Variants in ATG16L1 observed in about 807,000 individuals in gnomAD.
The protein encoded by ATG16L1 is autophagy related 16 like 1, also known as autophagy-related protein 16-1.
Under a neutral mutation model 88.5 loss-of-function variants are expected in ATG16L1, and 37 were observed. The observed-to-expected ratio is 0.42, with a 90% CI of 0.32 to 0.55. ATG16L1 has a LOEUF of 0.55. Ranked by LOEUF, ATG16L1 falls within the 20% of genes least tolerant of loss-of-function variation. The pLI is 0.13. For synonymous variants in ATG16L1, 301 were observed against 281.0 expected, an observed-to-expected ratio of 1.07 and a Z score of -0.71; for missense variants, 554 against 752.8, an observed-to-expected ratio of 0.74 and a Z score of 3.09.
At chr2:233,288,064 G>A (rs1253052741) in intron 12 of ATG16L1, among the ~76,000 whole-genome samples, 1 of 152,038 alleles carries the variant, frequency 6.6e-6, no homozygotes, top group African/African-American at 2.4e-5. Flanking sequence ...TCACACAACC[G>A]CAGCACAGCC....
At position 233,293,258 on chromosome 2, in the gene ATG16L1, C is replaced by A; in HGVS notation, c.1631C>A (p.Pro544His). 6.2e-7 allele frequency: 1 copy of A among 1,613,996 alleles called. No homozygotes were observed. The highest frequency in any genetic ancestry group is 1.1e-5 in the South Asian group (1 of 91,076). The change falls in exon 17 of 18, where the codon CCT becomes CAT. Residue 544 changes from proline (P) to histidine (H), a missense_variant and splice_region_variant. Physicochemically the swap from Pro to His is moderately conservative, Grantham distance 77 (BLOSUM62 -2). This residue lies in a region of ATG16L1 where 370 missense variants were observed against 509.7 expected (regional missense o/e 0.73). Transcript: ENST00000392017. ...GSDWTRVVFS[P>H]DGSYVAAGSA... ...TCTTTTCTTACTGTCTTCTGTAGCC[C>A]TGATGGCAGTTACGTGGCGGCAGGC...
chr2:233,281,420 A>T (rs1170577396), intron 11 of ATG16L1, among the ~76,000 whole-genome samples: 2 of 152,120 alleles, frequency 1.3e-5, no homozygotes, highest in Non-Finnish European at 2.9e-5. Flanking sequence ...ATTTCACTTA[A>T]TAGTTGTATT....
At position 233,252,073 on chromosome 2, in the gene ATG16L1, G is replaced by T. The variant is rs561534853; in HGVS notation, c.115+131G>T. 2.3e-5 allele frequency: 15 copies of T among 648,954 alleles called. No homozygotes were observed. The East Asian group carries it at 4.1e-4, about 18-fold the overall frequency. 40.2% of individuals were successfully genotyped at this position (648,954 alleles called of 1,614,324 possible). ...ATGGCGGCCGCCCCGGGTAACCCGCGCTTGGGACGCCGCACGCCTTTTAAA... is the reference window on the plus strand; with the variant it reads ...ATGGCGGCCGCCCCGGGTAACCCGCTCTTGGGACGCCGCACGCCTTTTAAA... On this transcript the variant is annotated intron_variant, in intron 1 of 17. Coordinates refer to ENST00000392017, the MANE Select transcript of ATG16L1 (RefSeq NM_030803.7).
intron 6 of ATG16L1, among the ~76,000 whole-genome samples, chr2:233,272,347 G>A (rs1408804945): frequency 6.6e-6 from 1 of 152,222 alleles, no homozygotes; most frequent in Non-Finnish European, 1.5e-5. Context: ...TAATGTCAGA[G>A]ACACTATGTA....
chr2:233,256,331 G>A (rs1696773626), intron 2 of ATG16L1, 136 bp downstream of exon 2: 4 of 726,634 alleles, frequency 5.5e-6, no homozygotes, highest in African/African-American at 1.8e-5. Flanking sequence ...TTTCAAATAA[G>A]AACTAAAACC....
At chr2:233,266,139 C>G (rs114073118) in intron 5 of ATG16L1, 1 of 152,160 alleles carries the variant, frequency 6.6e-6, no homozygotes, top group East Asian at 1.9e-4. Flanking sequence ...AAGCTGTTAA[C>G]ACAAGTTCAG....
intron 6 of ATG16L1, among the ~76,000 whole-genome samples, chr2:233,271,661 G>A (rs2125243943): frequency 6.6e-6 from 1 of 152,332 alleles, no homozygotes; most frequent in Admixed American, 6.5e-5. Flanking sequence ...TGATAACTTA[G>A]CAAATGCTAG....
intron 12 of ATG16L1, 24 bp from the exon 13 acceptor site, chr2:233,289,830 C>T (rs1345062599): frequency 1.2e-6 from 2 of 1,609,918 alleles, no homozygotes; most frequent in Non-Finnish European, 8.5e-7. Context: ...CTGAGGCTCA[C>T]CCTGGCTGTG....
intron 2 of ATG16L1, among the ~76,000 whole-genome samples, chr2:233,260,398 T>G (rs1697123315): frequency 1.3e-5 from 2 of 152,206 alleles, no homozygotes; most frequent in African/African-American, 4.8e-5. Context: ...TCAGAAATGC[T>G]TTAGCTGATT....
At chr2:233,252,367 T>G (rs1279162510) in intron 1 of ATG16L1, among the ~76,000 whole-genome samples, 1 of 152,052 alleles carries the variant, frequency 6.6e-6, no homozygotes, top group Non-Finnish European at 1.5e-5. Flanking sequence ...TTACTCCACC[T>G]TGGTGGTTTT....
At chr2:233,281,238 G>A in intron 11 of ATG16L1, 63 bp downstream of exon 11, 1 of 1,263,746 alleles carries the variant, frequency 7.9e-7, no homozygotes, top group South Asian at 1.4e-5. Context: ...TTAGGTTCTT[G>A]AAATTATAAC....
At chr2:233,262,200 C>T (rs1040399813) in intron 2 of ATG16L1, among the ~76,000 whole-genome samples, 1 of 152,186 alleles carries the variant, frequency 6.6e-6, no homozygotes, top group African/African-American at 2.4e-5. Flanking sequence ...CCTGTTAGCG[C>T]TGTCTTTGGA....
Position 233,263,027 on chromosome 2 carries a change from T to C in ATG16L1, c.210-103T>C. 4 of 981,680 alleles carry C rather than the reference T, an allele frequency of 4.1e-6. No individual in the cohort carries two copies. In the South Asian group the frequency reaches 5.8e-5, roughly 14 times the overall value. The allele number at this position is 981,680 out of a possible 1,614,324, so 60.8% of individuals were successfully genotyped here. A position where few individuals can be genotyped will look rare whatever the true frequency, so the allele number is the denominator to read the frequency against. On this transcript the variant is annotated intron_variant, in intron 2 of 17. Transcript: ENST00000392017. ...GGTTTATTGGCTTTGTGAACATGTTTCTGGAGTTATGGTTTCATTGCCTAA... is the reference window on the plus strand; with the variant it reads ...GGTTTATTGGCTTTGTGAACATGTTCCTGGAGTTATGGTTTCATTGCCTAA...
chr2:233,275,139 A>C (rs1054139224), intron 9 of ATG16L1, among the ~76,000 whole-genome samples: 3 of 152,198 alleles, frequency 2.0e-5, no homozygotes, highest in African/African-American at 7.2e-5. Flanking sequence ...GTATTATGGA[A>C]GTTCAGTAGG....
chr2:233,259,179 A>G (rs1269490822), intron 2 of ATG16L1, among the ~76,000 whole-genome samples: 4 of 152,192 alleles, frequency 2.6e-5, no homozygotes, highest in African/African-American at 9.7e-5. Context: ...GTACTTAGGC[A>G]GTAGAAAGCA....
chr2:233,283,471 A>AAT (rs1553607768), intron 12 of ATG16L1, among the ~76,000 whole-genome samples: 5 of 151,092 alleles, frequency 3.3e-5, no homozygotes, highest in African/African-American at 1.2e-4. Flanking sequence ...AAAAAAAAAA[A>AAT]TTTTTTTTTA....
chr2:233,274,613 C>A, intron 8 of ATG16L1, 63 bp from the exon 9 acceptor site: 1 of 1,325,294 alleles, frequency 7.5e-7, no homozygotes, highest in Non-Finnish European at 1.1e-6. Context: ...TCCTTTCTAA[C>A]AATTTGATGA....
At chr2:233,270,154 T>A in intron 6 of ATG16L1, 87 bp downstream of exon 6, 1 of 1,331,882 alleles carries the variant, frequency 7.5e-7, no homozygotes, top group Non-Finnish European at 1.0e-6. Flanking sequence ...TTTGTTTGGT[T>A]TTTTTTGAGA....
chr2:233,252,328 TG>T (rs1696432349), intron 1 of ATG16L1, among the ~76,000 whole-genome samples: 1 of 152,084 alleles, frequency 6.6e-6, no homozygotes, highest in African/African-American at 2.4e-5. Flanking sequence ...CTGGAACGGG[TG>T]GCCTTTGATT....
Sources: gnomAD v4.1 joint callset for allele counts (sites outside exome capture counted in the v4.1 genomes callset) on GRCh38, gnomAD v4.1.1 for gene constraint, gnomAD v4.1.1 regional missense constraint, MANE v1.5 for transcripts, NCBI Gene and HGNC (gene_info 2026-07-23, HGNC 2026-07-21) for gene names.